PID1: variants seen among roughly 807,000 people sequenced by gnomAD.
The protein encoded by PID1 is phosphotyrosine interaction domain containing 1, also known as PTB-containing, cubilin and LRP1-interacting protein.
A neutral mutation model predicts 19.1 loss-of-function variants in PID1; 10 were observed. The observed-to-expected ratio is 0.52, with a 90% confidence interval of 0.32 to 0.89. PID1 has a LOEUF of 0.89. Ranked by LOEUF, PID1 falls within the 40% of genes least tolerant of loss-of-function variation. The pLI is 0.03. For missense variants in PID1, 248 were observed against 285.3 expected, an observed-to-expected ratio of 0.87 and a Z score of 0.94; for synonymous variants, 130 against 116.0, an observed-to-expected ratio of 1.12 and a Z score of -0.78.
In PID1 at chr2:229,262,688, C is replaced by T. The variant is rs267599242; in HGVS notation, c.30+8326G>A. The T allele has an allele frequency of 3.0e-4, 463 of 1,551,044 alleles. 2 individuals are homozygous for T. In the African/African-American group the frequency reaches 5.5e-3, roughly 18 times the overall value. On this transcript the variant is annotated intron_variant, in intron 1 of 2. Coordinates refer to ENST00000392055, the MANE Select transcript of PID1 (RefSeq NM_001100818.2). The stretch of plus-strand genomic sequence containing the variant: ...ACAGAAATTTAATCTCTCACCATTT[C>T]GGAGGCTGGAAGTCCAAAATGTAAA...
chr2:229,049,496 T>A (rs1693947400), intron 2 of PID1, among the ~76,000 whole-genome samples: 1 of 152,188 alleles, frequency 6.6e-6, no homozygotes, highest in South Asian at 2.1e-4. Context: ...TTATTTGAAA[T>A]GCAAGGCAAT....
intron 1 of PID1, among the ~76,000 whole-genome samples, chr2:229,198,771 G>A (rs1259515002): frequency 1.3e-5 from 2 of 151,976 alleles, no homozygotes; most frequent in African/African-American, 2.4e-5. Flanking sequence ...TGCAACCACT[G>A]CTTACTTTCT....
At chr2:229,138,819 C>A (rs976405840) in intron 2 of PID1, among the ~76,000 whole-genome samples, 8 of 150,660 alleles carry the variant, frequency 5.3e-5, no homozygotes, top group Non-Finnish European at 1.0e-4. Context: ...ATCAAAGAAC[C>A]ATCAGTGCTT....
rs75400932 is a variant in PID1, at chr2:229,055,681, A to G, written c.178-29573T>C. Among the ~76,000 whole-genome samples, 725 of 152,340 alleles carry G rather than the reference A, an allele frequency of 4.8e-3. 2 individuals are homozygous for G. The highest frequency in any genetic ancestry group is 8.5e-3 in the Non-Finnish European group (581 of 68,038). On this transcript the variant is annotated intron_variant, in intron 2 of 2. Transcript: ENST00000392055. ...CATGTGTTAAATTGAAGATAACATT[A>G]TACTCATATTTAAGCAAACAAACTT...
At chr2:229,097,429 T>C (rs988033719) in intron 2 of PID1, among the ~76,000 whole-genome samples, 2 of 152,210 alleles carry the variant, frequency 1.3e-5, no homozygotes, top group African/African-American at 4.8e-5. Context: ...CGGATTGTAT[T>C]TGCAGTAAGG....
intron 1 of PID1, among the ~76,000 whole-genome samples, chr2:229,177,012 C>T (rs946432960): frequency 6.6e-6 from 1 of 152,192 alleles, no homozygotes; most frequent in Admixed American, 6.5e-5. Context: ...GTGGAGGCCT[C>T]ACAATCATGG....
chr2:229,137,522 A>G (rs1338030380), intron 2 of PID1, among the ~76,000 whole-genome samples: 3 of 152,236 alleles, frequency 2.0e-5, no homozygotes, highest in Non-Finnish European at 4.4e-5. Context: ...GATGTTTCCA[A>G]TTAGATACTA....
chr2:229,149,295 T>C (rs1184318578), intron 2 of PID1, among the ~76,000 whole-genome samples: 1 of 152,118 alleles, frequency 6.6e-6, no homozygotes, highest in African/African-American at 2.4e-5. Flanking sequence ...TGAGAAAACA[T>C]GACTGTATTT....
chr2:229,073,007 A>G (rs1459999374), intron 2 of PID1, among the ~76,000 whole-genome samples: 1 of 152,160 alleles, frequency 6.6e-6, no homozygotes, highest in African/African-American at 2.4e-5. Flanking sequence ...ATCCTCACAA[A>G]CTGGGTAATT....
rs140138879 is a variant in PID1, at chr2:229,101,415, G to A, written c.177+54403C>T. On this transcript the variant is annotated intron_variant, in intron 2 of 2. Transcript: ENST00000392055. ...GAAAAACCACTCTGCCTCATCCAGAGAATGCAAAAGCCAGTGTAGGCATGT... is the reference window on the plus strand; with the variant it reads ...GAAAAACCACTCTGCCTCATCCAGAAAATGCAAAAGCCAGTGTAGGCATGT... 2.6e-4 allele frequency among the ~76,000 whole-genome samples: 39 copies of A among 152,284 alleles called. No individual in the cohort carries two copies. The East Asian group carries it at 5.2e-3, about 20-fold the overall frequency.
chr2:229,183,556 C>A (rs1430534246), intron 1 of PID1, among the ~76,000 whole-genome samples: 4 of 152,122 alleles, frequency 2.6e-5, no homozygotes, highest in Non-Finnish European at 5.9e-5. Context: ...TAAATAAAAC[C>A]AATGGGCTGA....
chr2:229,156,015 T>TAAAA, intron 1 of PID1, 51 bp from the exon 2 acceptor site: 1 of 1,552,864 alleles, frequency 6.4e-7, no homozygotes, highest in Non-Finnish European at 8.8e-7. Context: ...TGGACTTTTA[T>TAAAA]GTCCTGCAAT....
At chr2:229,227,708 G>C (rs1407969936) in intron 1 of PID1, among the ~76,000 whole-genome samples, 1 of 152,090 alleles carries the variant, frequency 6.6e-6, no homozygotes, top group African/African-American at 2.4e-5. Context: ...AATATAGTTG[G>C]CCCTCTGTAC....
chr2:229,267,600 T>C (rs1227010), intron 1 of PID1, among the ~76,000 whole-genome samples: 25,965 of 152,138 alleles, frequency 0.17, 3,365 homozygotes, highest in East Asian at 0.69. Flanking sequence ...TCTTGATTCA[T>C]CTTTCTCCTC....
At chr2:229,239,930 T>C (rs1341349482) in intron 1 of PID1, among the ~76,000 whole-genome samples, 3 of 152,128 alleles carry the variant, frequency 2.0e-5, no homozygotes, top group Non-Finnish European at 4.4e-5. Flanking sequence ...CCTGGCACTA[T>C]TATACTCATA....
chr2:229,168,299 T>C (rs1341791413), intron 1 of PID1, among the ~76,000 whole-genome samples: 2 of 152,164 alleles, frequency 1.3e-5, no homozygotes, highest in African/African-American at 4.8e-5. Context: ...ATTACATATA[T>C]TTTAGACCAT....
intron 2 of PID1, among the ~76,000 whole-genome samples, chr2:229,047,244 C>T (rs1327716799): frequency 1.3e-5 from 2 of 152,162 alleles, no homozygotes; most frequent in African/African-American, 2.4e-5. Flanking sequence ...TAGAATCAAC[C>T]CTGGAAAGGG....
At chr2:229,162,127 T>G (rs1690503367) in intron 1 of PID1, among the ~76,000 whole-genome samples, 1 of 152,264 alleles carries the variant, frequency 6.6e-6, no homozygotes, top group Non-Finnish European at 1.5e-5. Context: ...ACTAGGGCAC[T>G]GCCCTGGACA....
chr2:229,114,113 TTCTC>T lies in PID1; in HGVS notation c.177+41701_177+41704del, dbSNP rs59302884. Among the ~76,000 whole-genome samples, 1,009 of 138,636 alleles carry T rather than the reference TTCTC, an allele frequency of 7.3e-3. 12 individuals carry two copies. The highest frequency in any genetic ancestry group is 0.023 in the African/African-American group (864 of 37,478). The allele number at this position is 138,636 out of a possible 152,430, so 91.0% of individuals were successfully genotyped here. On this transcript the variant is annotated intron_variant, in intron 2 of 2. Transcript: ENST00000392055. ...TGGACTTGCCAGCATCTCTCTCTCT[TTCTC>T]TCTCTCTCTCTCTCTCTTTCTCTCT...
Sources: allele counts gnomAD v4.1 joint callset (sites outside exome capture counted in the v4.1 genomes callset), GRCh38; gene constraint gnomAD v4.1.1; transcripts MANE v1.5; gene names NCBI Gene and HGNC (gene_info 2026-07-23, HGNC 2026-07-21).